The following AGBL4 variants were observed in gnomAD, a reference collection of about 807,000 sequenced individuals.
AGBL4 encodes AGBL carboxypeptidase 4, also known as cytosolic carboxypeptidase 6.
In AGBL4, 58 loss-of-function variants were observed where a neutral mutation model predicts 66.4. The observed-to-expected ratio is 0.87, with a 90% CI of 0.71 to 1.09. The LOEUF is 1.09. AGBL4 is among the 50% of genes least tolerant of loss of function. The pLI, the probability that AGBL4 is intolerant of heterozygous loss-of-function variation, is 0.00. For missense variants in AGBL4, 579 were observed against 631.0 expected, an observed-to-expected ratio of 0.92 and a Z score of 0.88; for synonymous variants, 234 against 222.9, an observed-to-expected ratio of 1.05 and a Z score of -0.44.
chr1:49,849,038 G>T (rs184590450), intron 2 of AGBL4, among the ~76,000 whole-genome samples: 1 of 152,076 alleles, frequency 6.6e-6, no homozygotes, highest in East Asian at 1.9e-4. Flanking sequence ...AAAAAAAGGT[G>T]GGGGGATGAG....
At chr1:49,802,099 G>A (rs964360702) in intron 2 of AGBL4, among the ~76,000 whole-genome samples, 1 of 152,176 alleles carries the variant, frequency 6.6e-6, no homozygotes, top group Admixed American at 6.5e-5. Context: ...CTGCCAGAAC[G>A]AGCCAACAGT....
intron 3 of AGBL4, among the ~76,000 whole-genome samples, chr1:49,384,040 C>T (rs1402355166): frequency 6.6e-6 from 1 of 151,776 alleles, no homozygotes; most frequent in Non-Finnish European, 1.5e-5. Context: ...TGTGATCCGC[C>T]CACCTCGGCC....
intron 11 of AGBL4, among the ~76,000 whole-genome samples, chr1:48,565,803 G>A (rs1016551554): frequency 6.6e-6 from 1 of 152,164 alleles, no homozygotes; most frequent in Non-Finnish European, 1.5e-5. Context: ...AGGTTGAATT[G>A]GGGAAGCCGT....
intron 3 of AGBL4, among the ~76,000 whole-genome samples, chr1:49,542,767 G>A (rs778245207): frequency 4.4e-4 from 66 of 151,690 alleles, no homozygotes; most frequent in African/African-American, 1.5e-3. Flanking sequence ...GTATGGTGGC[G>A]TACACCTGTG....
chr1:49,245,748 T>A (rs1651590234), intron 4 of AGBL4, 22 bp downstream of exon 4: 1 of 1,526,406 alleles, frequency 6.6e-7, no homozygotes, highest in Admixed American at 2.0e-5. Flanking sequence ...CAGGAAGGGG[T>A]CCCATTCTGT....
intron 6 of AGBL4, among the ~76,000 whole-genome samples, chr1:48,774,623 C>T (rs1644989297): frequency 6.6e-6 from 1 of 152,182 alleles, no homozygotes; most frequent in Admixed American, 6.5e-5. Context: ...ACAGATTTAT[C>T]AACATTCTAA....
At chr1:49,627,413 A>G (rs1645485158) in intron 3 of AGBL4, among the ~76,000 whole-genome samples, 1 of 152,108 alleles carries the variant, frequency 6.6e-6, no homozygotes, top group Non-Finnish European at 1.5e-5. Flanking sequence ...AAACATTCTG[A>G]GTGTGCCTAC....
intron 2 of AGBL4, among the ~76,000 whole-genome samples, chr1:49,747,358 G>A (rs187923345): frequency 5.3e-5 from 8 of 152,168 alleles, no homozygotes; most frequent in South Asian, 2.1e-4. Flanking sequence ...GCAACATAGC[G>A]TAGTGAAAAT....
chr1:48,771,746 A>C (rs1013607134), intron 6 of AGBL4, among the ~76,000 whole-genome samples: 2 of 152,234 alleles, frequency 1.3e-5, no homozygotes, highest in African/African-American at 4.8e-5. Flanking sequence ...ACTTTGTAGA[A>C]GTTCCAAAGC....
At chr1:49,043,893 C>G (rs776833631) in intron 5 of AGBL4, among the ~76,000 whole-genome samples, 1 of 152,120 alleles carries the variant, frequency 6.6e-6, no homozygotes, top group Admixed American at 6.5e-5. Flanking sequence ...TTTAGAAATG[C>G]GTCTCACTTT....
chr1:49,786,391 GACAA>G (rs1348623351), intron 2 of AGBL4, among the ~76,000 whole-genome samples: 14 of 152,098 alleles, frequency 9.2e-5, no homozygotes, highest in Non-Finnish European at 1.5e-4. Flanking sequence ...GGGTCTCTGG[GACAA>G]ACACTTTTCT....
chr1:49,226,540 CA>C (rs1315739963), intron 4 of AGBL4, among the ~76,000 whole-genome samples: 1 of 152,128 alleles, frequency 6.6e-6, no homozygotes, highest in African/African-American at 2.4e-5. Flanking sequence ...GGTTTGACTG[CA>C]GCTGGATTCT....
At chr1:49,567,340 T>A (rs1017289207) in intron 3 of AGBL4, among the ~76,000 whole-genome samples, 6 of 152,198 alleles carry the variant, frequency 3.9e-5, no homozygotes, top group Non-Finnish European at 7.3e-5. Flanking sequence ...CCCAGTGAGA[T>A]GAACCTGGTA....
chr1:49,563,903 C>A (rs966369614), intron 3 of AGBL4, among the ~76,000 whole-genome samples: 1 of 152,120 alleles, frequency 6.6e-6, no homozygotes, highest in Non-Finnish European at 1.5e-5. Flanking sequence ...CCTCCTTGTA[C>A]CTCTGGTAGA....
intron 3 of AGBL4, among the ~76,000 whole-genome samples, chr1:49,475,578 G>T (rs939315012): frequency 5.3e-5 from 8 of 151,878 alleles, no homozygotes; most frequent in Admixed American, 3.9e-4. Flanking sequence ...TTTGTTGTAG[G>T]TATTTTTATC....
intron 1 of AGBL4, among the ~76,000 whole-genome samples, chr1:49,877,213 G>C (rs1439668460): frequency 2.6e-5 from 4 of 151,118 alleles, no homozygotes; most frequent in Non-Finnish European, 5.9e-5. Context: ...GGAGTGGTGA[G>C]AGAGGGCATC....
Position 49,226,386 on chromosome 1 carries a change from A to T in AGBL4, c.377+19384T>A, listed in dbSNP as rs543560267. ...CTATTATAAGCAATATTGAATATTT[A>T]ATGATCTTCTCTGTAATTATGCCTA... On this transcript the variant is annotated intron_variant, in intron 4 of 13. Coordinates refer to ENST00000371839, the MANE Select transcript of AGBL4 (RefSeq NM_032785.4). Among the ~76,000 whole-genome samples, 5 of 152,360 alleles carry T rather than the reference A, an allele frequency of 3.3e-5. No individual in the cohort carries two copies. The South Asian group carries it at 1.0e-3, about 32-fold the overall frequency.
intron 2 of AGBL4, chr1:49,844,979 C>T (rs750422443): frequency 1.0e-4 from 146 of 1,399,930 alleles, no homozygotes; most frequent in Non-Finnish European, 1.4e-4. Context: ...CCAATGACTC[C>T]TGAACAACAA....
chr1:49,123,481 T>C (rs536303692), intron 4 of AGBL4, among the ~76,000 whole-genome samples: 224 of 152,286 alleles, frequency 1.5e-3, no homozygotes, highest in Middle Eastern at 3.4e-3. Context: ...TATTCTAAAG[T>C]TTATCTTTGA....
Sources: allele counts gnomAD v4.1 joint callset (sites outside exome capture counted in the v4.1 genomes callset), GRCh38; gene constraint gnomAD v4.1.1; transcripts MANE v1.5; gene names NCBI Gene and HGNC (gene_info 2026-07-23, HGNC 2026-07-21).